The following AIMP1 variants were observed in gnomAD, a reference collection of about 807,000 sequenced individuals.
AIMP1 encodes aminoacyl tRNA synthetase complex interacting multifunctional protein 1.
In AIMP1, 24 loss-of-function variants were observed where a neutral mutation model predicts 33.1. The observed-to-expected ratio is 0.73, with a 90% CI of 0.53 to 1.02. The LOEUF is 1.02. AIMP1 is among the 50% of genes least tolerant of loss of function. The pLI is 0.00. For synonymous variants in AIMP1, 120 were observed against 121.5 expected, an observed-to-expected ratio of 0.99 and a Z score of 0.08; for missense variants, 367 against 364.8, an observed-to-expected ratio of 1.01 and a Z score of -0.05.
intron 1 of AIMP1, among the ~76,000 whole-genome samples, chr4:106,320,902 A>G (rs1482266581): frequency 6.6e-6 from 1 of 151,112 alleles, no homozygotes; most frequent in African/African-American, 2.4e-5. Context: ...GCGCGCCGCC[A>G]CTCCTGACTG....
rs1160129566 is a variant in AIMP1 at position 106,347,428 on chromosome 4, T to C, written c.773-98T>C. On this transcript the variant is annotated intron_variant, in intron 6 of 6. Coordinates refer to ENST00000672341, the MANE Select transcript of AIMP1 (RefSeq NM_001142416.2). The stretch of plus-strand genomic sequence containing the variant: ...GATTAGGTCCAAAAATCAGAAAATG[T>C]TGCCAAAACAATTCACTGGAAATCT... 1.8e-5 allele frequency: 21 copies of C among 1,182,762 alleles called. No homozygotes were observed. The East Asian group carries it at 4.8e-4, about 27-fold the overall frequency. 73.3% of individuals were successfully genotyped at this position (1,182,762 alleles called of 1,614,324 possible). A position where few individuals can be genotyped will look rare whatever the true frequency, so the allele number is the denominator to read the frequency against.
At chr4:106,336,216 A>G (rs897220765) in intron 5 of AIMP1, among the ~76,000 whole-genome samples, 1 of 149,264 alleles carries the variant, frequency 6.7e-6, no homozygotes, top group African/African-American at 2.5e-5. Context: ...TATTTTTTGT[A>G]GAGACTGGGT....
At chr4:106,321,403 GTCTGGGA>G (rs1561021363) in intron 1 of AIMP1, 1 of 155,378 alleles carries the variant, frequency 6.4e-6, no homozygotes, top group Non-Finnish European at 1.4e-5. Flanking sequence ...CCGCGACCCT[GTCTGGGA>G]ACTGAGGAGT....
chr4:106,330,410 A>C (rs1561026560), intron 4 of AIMP1, among the ~76,000 whole-genome samples: 1 of 151,968 alleles, frequency 6.6e-6, no homozygotes, highest in African/African-American at 2.4e-5. Flanking sequence ...CTTTTGAAAA[A>C]TTTTTGCTAA....
In AIMP1 at chr4:106,328,053, CATT is replaced by C. The variant is rs1378225551; in HGVS notation, c.224-19_224-17del. On this transcript the variant is annotated intron_variant, in intron 3 of 6. Coordinates refer to ENST00000672341, the MANE Select transcript of AIMP1 (RefSeq NM_001142416.2). Reference sequence around the variant, plus strand: ...ATATTTATTGGTTTAATATGAATGACATTATTTCATTTTCTGTCTCAGTGAAGC... The same window carrying C: ...ATATTTATTGGTTTAATATGAATGACATTTCATTTTCTGTCTCAGTGAAGC... 1.9e-6 allele frequency: 3 copies of C among 1,607,766 alleles called. No individual in the cohort carries two copies. Among genetic ancestry groups the C allele is most frequent in the African/African-American group, 1.3e-5 (1 of 74,730 alleles).
chr4:106,347,522 A>G lies in AIMP1; in HGVS notation c.773-4A>G. The G allele has an allele frequency of 6.2e-7, 1 of 1,611,600 alleles. No homozygotes were observed. The highest frequency in any genetic ancestry group is 8.5e-7 in the Non-Finnish European group (1 of 1,178,830). ...TTTTCTTGTGCTTTTTTTCTCCTACACAGGAGAGCCTGACAAGGAGCTGAA... is the reference window on the plus strand; with the variant it reads ...TTTTCTTGTGCTTTTTTTCTCCTACGCAGGAGAGCCTGACAAGGAGCTGAA... On this transcript the variant is annotated splice_region_variant and splice_polypyrimidine_tract_variant and intron_variant, in intron 6 of 6. Transcript: ENST00000672341.
At chr4:106,332,005 C>T (rs912092900) in intron 5 of AIMP1, 122 bp downstream of exon 5, 5 of 957,890 alleles carry the variant, frequency 5.2e-6, no homozygotes, top group East Asian at 5.0e-5. Flanking sequence ...TTAGTTCAGT[C>T]GATTAGTTTG....
intron 6 of AIMP1, among the ~76,000 whole-genome samples, chr4:106,345,449 A>T (rs1247708999): frequency 2.0e-5 from 3 of 152,220 alleles, no homozygotes; most frequent in African/African-American, 7.2e-5. Flanking sequence ...AATGATTTAC[A>T]AACAAAAAAT....
At chr4:106,322,888 G>A (rs140851960) in intron 1 of AIMP1, among the ~76,000 whole-genome samples, 20 of 151,952 alleles carry the variant, frequency 1.3e-4, no homozygotes, top group African/African-American at 4.8e-4. Flanking sequence ...GGAGGCTAAG[G>A]CAGGAGAATC....
At chr4:106,333,976 G>A (rs903318407) in intron 5 of AIMP1, among the ~76,000 whole-genome samples, 3 of 152,114 alleles carry the variant, frequency 2.0e-5, no homozygotes, top group African/African-American at 7.2e-5. Flanking sequence ...GGAAAGAATC[G>A]AAGACAGTAG....
intron 5 of AIMP1, among the ~76,000 whole-genome samples, chr4:106,335,474 A>G (rs1207668238): frequency 6.6e-6 from 1 of 152,210 alleles, no homozygotes; most frequent in East Asian, 1.9e-4. Flanking sequence ...TAAACATTCT[A>G]TAAAGTAGGG....
At chr4:106,327,586 G>A in intron 3 of AIMP1, 22 bp downstream of exon 3, 1 of 1,569,010 alleles carries the variant, frequency 6.4e-7, no homozygotes, top group Non-Finnish European at 8.8e-7. Flanking sequence ...TAGAAAATTT[G>A]AGTAATCCAG....
intron 1 of AIMP1, among the ~76,000 whole-genome samples, chr4:106,318,993 C>T (rs930586073): frequency 4.0e-5 from 6 of 151,748 alleles, no homozygotes; most frequent in Admixed American, 3.3e-4. Context: ...GGGATTGAAG[C>T]CATTTTACAA....
At chr4:106,334,711 G>C (rs55726133) in intron 5 of AIMP1, among the ~76,000 whole-genome samples, 1 of 152,086 alleles carries the variant, frequency 6.6e-6, no homozygotes. Flanking sequence ...AATCTAGTAA[G>C]TATTGAGGCC....
chr4:106,346,824 A>G (rs1450347818), intron 6 of AIMP1, among the ~76,000 whole-genome samples: 1 of 152,158 alleles, frequency 6.6e-6, no homozygotes, highest in Non-Finnish European at 1.5e-5. Flanking sequence ...TAAAATGAGT[A>G]TATTAATCCA....
chr4:106,316,399 G>A (rs1218612206), upstream of AIMP1: 23 of 729,244 alleles, frequency 3.2e-5, no homozygotes, highest in Non-Finnish European at 5.2e-5. Context: ...AATGGAAGAC[G>A]AGGAGCGTGG....
In AIMP1 at chr4:106,336,121, C is replaced by G. The variant is rs540444710; in HGVS notation, c.604-748C>G. On this transcript the variant is annotated intron_variant, in intron 5 of 6. Transcript: ENST00000672341. ...GTGGCATAATCAAGGCTCATTGCAG[C>G]CTCCAGGCTCAAGCGATCCTTCCAC... Among the ~76,000 whole-genome samples the G allele has an allele frequency of 6.1e-4, 89 of 145,682 alleles. 4 individuals carry two copies. Among genetic ancestry groups the G allele is most frequent in the Admixed American group, 1.7e-3 (25 of 14,336 alleles).
intron 6 of AIMP1, among the ~76,000 whole-genome samples, chr4:106,346,023 A>G (rs1348606029): frequency 6.6e-6 from 1 of 151,656 alleles, no homozygotes; most frequent in African/African-American, 2.4e-5. Context: ...TTACTTAATT[A>G]TACTTCAGCA....
At position 106,343,054 on chromosome 4, in the gene AIMP1, G is replaced by A. The variant is rs942929554; in HGVS notation, c.773-4472G>A. ...TAAGTAGCTAGGACTATGGGCATGC[G>A]CCACCACACCAGGACTTTTTTTAAT... On this transcript the variant is annotated intron_variant, in intron 6 of 6. Transcript: ENST00000672341. 7.2e-5 allele frequency among the ~76,000 whole-genome samples: 11 copies of A among 151,974 alleles called. 1 individual carries two copies. The highest frequency in any genetic ancestry group is 4.4e-5 in the Non-Finnish European group (3 of 67,984).
Sources: gnomAD v4.1 joint callset for allele counts (sites outside exome capture counted in the v4.1 genomes callset) on GRCh38, gnomAD v4.1.1 for gene constraint, MANE v1.5 for transcripts, NCBI Gene and HGNC (gene_info 2026-07-23, HGNC 2026-07-21) for gene names.